Variants in OPHN1 observed in about 807,000 individuals in gnomAD.
OPHN1 encodes oligophrenin 1.
OPHN1 carries 11 observed loss-of-function variants against 60.7 expected under a neutral mutation model. The ratio of observed to expected loss-of-function variants is 0.18; its 90% CI spans 0.11 to 0.30. OPHN1 has a LOEUF of 0.30. Among genes scored for constraint, OPHN1 ranks in the 10% least tolerant of loss-of-function variants. OPHN1 has a pLI of 1.00. For synonymous variants in OPHN1, 226 were observed against 222.6 expected (o/e 1.02, Z -0.14); for missense variants, 449 against 611.0 (o/e 0.73, Z 2.80).
intron 15 of OPHN1, among the ~76,000 whole-genome samples, chrX:68,165,530 G>A: frequency 9.0e-6 from 1 of 111,240 alleles, no homozygotes; most frequent in African/African-American, 3.3e-5. Context: ...GTGGTTTGTG[G>A]CACCCTAAAG....
chrX:68,126,289 T>C (rs937162388), intron 15 of OPHN1, among the ~76,000 whole-genome samples: 1 of 110,875 alleles, frequency 9.0e-6, no homozygotes, highest in Non-Finnish European at 1.9e-5. Flanking sequence ...AATTTAGCCA[T>C]GTGTCTGTTT....
chrX:68,261,376 A>G (rs1280767475), intron 5 of OPHN1, among the ~76,000 whole-genome samples: 2 of 111,810 alleles, frequency 1.8e-5, no homozygotes, highest in East Asian at 5.6e-4. Flanking sequence ...TGCCATCCCT[A>G]CTGGACAGTC....
At chrX:68,088,735 G>A (rs761559265) in intron 19 of OPHN1, among the ~76,000 whole-genome samples, 110 of 110,301 alleles carry the variant, frequency 1.0e-3, no homozygotes, top group Non-Finnish European at 1.6e-3. Context: ...TTATCTCAAT[G>A]ACTCCTCCCA....
rs1477735896 is a variant in OPHN1, at chrX:68,087,401, C to G, written c.1686+9469G>C. Among the ~76,000 whole-genome samples the G allele has an allele frequency of 3.6e-5, 4 of 111,992 alleles. No individual in the cohort carries two copies. The South Asian group carries it at 1.1e-3, about 32-fold the overall frequency. On this transcript the variant is annotated intron_variant, in intron 19 of 24. Coordinates refer to ENST00000355520, the MANE Select transcript of OPHN1 (RefSeq NM_002547.3). The stretch of plus-strand genomic sequence containing the variant: ...AACTAAATCTGGATAATTTGCTGGG[C>G]TTTGAGACACTGCCAGGAGAGCGAT...
At chrX:68,226,247 C>T (rs961607105) in intron 6 of OPHN1, among the ~76,000 whole-genome samples, 1 of 111,841 alleles carries the variant, frequency 8.9e-6, no homozygotes, top group Non-Finnish European at 1.9e-5. Flanking sequence ...ACCAAATCTA[C>T]GCCTGATTTG....
intron 9 of OPHN1, among the ~76,000 whole-genome samples, chrX:68,208,790 T>C (rs1008593674): frequency 8.0e-5 from 9 of 111,994 alleles, no homozygotes; most frequent in African/African-American, 2.9e-4. Context: ...AGAGACATTT[T>C]AGGTTGTCAC....
chrX:68,089,291 G>A (rs781766232), intron 19 of OPHN1, among the ~76,000 whole-genome samples: 77 of 111,510 alleles, frequency 6.9e-4, no homozygotes, highest in East Asian at 8.5e-4. Flanking sequence ...CAAGAAAATC[G>A]CTGGCCATTG....
chrX:68,064,236 T>C, intron 20 of OPHN1, 59 bp from the exon 21 acceptor site: 1 of 1,082,077 alleles, frequency 9.2e-7, no homozygotes, highest in Non-Finnish European at 1.3e-6. Context: ...CCTTTTCATT[T>C]TGATACATGC....
At chrX:68,170,486 T>C (rs1199857288) in intron 15 of OPHN1, among the ~76,000 whole-genome samples, 1 of 109,316 alleles carries the variant, frequency 9.1e-6, no homozygotes, top group African/African-American at 3.4e-5. Context: ...TGCACACGTA[T>C]GTTTATTGCG....
chrX:68,385,075 A>T (rs1041124552), intron 2 of OPHN1, among the ~76,000 whole-genome samples: 1 of 111,548 alleles, frequency 9.0e-6, no homozygotes, highest in African/African-American at 3.3e-5. Context: ...TTTAAAAAAA[A>T]TCAGTATAAA....
rs762102959 is a variant in OPHN1, at chrX:68,138,338, G to T, written c.1277-19006C>A. ...ACACATGTATATTTCAAGGAAGAGG[G>T]GTACAGAAACAAAAAGGCAATGTGA... On this transcript the variant is annotated intron_variant, in intron 15 of 24. Coordinates refer to ENST00000355520, the MANE Select transcript of OPHN1 (RefSeq NM_002547.3). Among the ~76,000 whole-genome samples, 4 of 112,036 alleles carry T rather than the reference G, an allele frequency of 3.6e-5. No individual in the cohort carries two copies. The South Asian group carries it at 1.5e-3, about 42-fold the overall frequency.
At chrX:68,086,823 T>A (rs1287500573) in intron 19 of OPHN1, among the ~76,000 whole-genome samples, 1 of 111,211 alleles carries the variant, frequency 9.0e-6, no homozygotes, top group Admixed American at 9.5e-5. Context: ...ACAGACTAGA[T>A]CAACTCACTG....
intron 2 of OPHN1, among the ~76,000 whole-genome samples, chrX:68,324,884 T>TA (rs554739397): frequency 0.31 from 26,490 of 86,171 alleles, 5,268 homozygotes; most frequent in African/African-American, 0.68. Flanking sequence ...TCCACAAAAG[T>TA]AAAAAAAAAA....
At chrX:68,247,854 G>A (rs2077814618) in intron 5 of OPHN1, among the ~76,000 whole-genome samples, 1 of 110,211 alleles carries the variant, frequency 9.1e-6, no homozygotes, top group African/African-American at 3.3e-5. Flanking sequence ...GCAATGAGCT[G>A]AGATCACGCT....
At chrX:68,291,828 T>C (rs1002068123) in intron 3 of OPHN1, among the ~76,000 whole-genome samples, 1 of 111,109 alleles carries the variant, frequency 9.0e-6, no homozygotes, top group African/African-American at 3.3e-5. Flanking sequence ...TTTCTTCCAT[T>C]TCTTTGAGAT....
At chrX:68,349,284 G>T (rs1374914971) in intron 2 of OPHN1, among the ~76,000 whole-genome samples, 1 of 111,832 alleles carries the variant, frequency 8.9e-6, no homozygotes, top group Non-Finnish European at 1.9e-5. Flanking sequence ...AGACATTTAT[G>T]CAGCCAACAG....
At chrX:68,115,523 G>A (rs1300968889) in intron 16 of OPHN1, among the ~76,000 whole-genome samples, 1 of 112,118 alleles carries the variant, frequency 8.9e-6, no homozygotes, top group African/African-American at 3.2e-5. Flanking sequence ...CAAAACAGAA[G>A]AAAGTATCAA....
chrX:68,400,812 G>A (rs1385308925), intron 2 of OPHN1, among the ~76,000 whole-genome samples: 1 of 109,803 alleles, frequency 9.1e-6, no homozygotes, highest in African/African-American at 3.3e-5. Flanking sequence ...ATGTTGGCCA[G>A]GCTGGTCTCG....
intron 18 of OPHN1, among the ~76,000 whole-genome samples, chrX:68,106,638 A>G (rs191674865): frequency 1.8e-3 from 202 of 111,847 alleles, no homozygotes; most frequent in African/African-American, 6.2e-3. Flanking sequence ...TAGAAGCTAC[A>G]GATACTAACC....
Sources: gnomAD v4.1 joint callset for allele counts (sites outside exome capture counted in the v4.1 genomes callset) on GRCh38, gnomAD v4.1.1 for gene constraint, MANE v1.5 for transcripts, NCBI Gene and HGNC (gene_info 2026-07-23, HGNC 2026-07-21) for gene names.